RASSF8: variants seen among roughly 807,000 people sequenced by gnomAD.
RASSF8 encodes the protein Ras association domain family member 8.
In RASSF8, 22 loss-of-function variants were observed where a neutral mutation model predicts 48.5. The observed-to-expected ratio is 0.45, with a 90% CI of 0.32 to 0.65. The LOEUF (loss-of-function observed/expected upper bound fraction) is 0.65. RASSF8 is among the 30% of genes least tolerant of loss of function. The pLI, the probability that RASSF8 is intolerant of heterozygous loss-of-function variation, is 0.03. For missense variants in RASSF8, 418 were observed against 489.2 expected, an observed-to-expected ratio of 0.85 and a Z score of 1.37; for synonymous variants, 127 against 171.5, an observed-to-expected ratio of 0.74 and a Z score of 2.03.
At chr12:26,053,860 C>T (rs1943546284) in intron 2 of RASSF8, among the ~76,000 whole-genome samples, 1 of 152,214 alleles carries the variant, frequency 6.6e-6, no homozygotes. Context: ...TGTGTACCTT[C>T]TCTGGAGAAA....
chr12:26,053,378 G>T (rs1328422749), intron 2 of RASSF8, among the ~76,000 whole-genome samples: 1 of 151,990 alleles, frequency 6.6e-6, no homozygotes, highest in African/African-American at 2.4e-5. Context: ...TTAATCTTAG[G>T]CCATTTTTGA....
At chr12:25,983,452 G>A (rs960267903) in intron 1 of RASSF8, among the ~76,000 whole-genome samples, 1 of 152,156 alleles carries the variant, frequency 6.6e-6, no homozygotes, top group Non-Finnish European at 1.5e-5. Flanking sequence ...TATGATTTAA[G>A]CCAAAGTATC....
At chr12:25,983,876 T>C (rs1592231646) in intron 1 of RASSF8, among the ~76,000 whole-genome samples, 1 of 152,132 alleles carries the variant, frequency 6.6e-6, no homozygotes, top group Non-Finnish European at 1.5e-5. Context: ...CCTCAACCCA[T>C]ACCCGTGTGT....
Position 26,071,402 on chromosome 12 carries a change from G to A in RASSF8, c.*2584G>A. On this transcript the variant is annotated 3_prime_UTR_variant, in exon 6 of 6. Transcript: ENST00000689635. ...ACTAAATTAGATTTCAATGTTTTGT[G>A]TTTTTTTTAAAAAAATCATATTGCA... is the stretch of plus-strand genomic sequence containing the variant. 1 of 937,790 alleles carries A rather than the reference G, an allele frequency of 1.1e-6. No homozygotes were observed. Among genetic ancestry groups the A allele is most frequent in the Non-Finnish European group, 1.3e-6 (1 of 786,902 alleles). The allele number at this position is 937,790 out of a possible 1,614,324, so 58.1% of individuals were successfully genotyped here.
At chr12:25,976,162 A>C (rs968858057) in intron 1 of RASSF8, among the ~76,000 whole-genome samples, 2 of 152,178 alleles carry the variant, frequency 1.3e-5, no homozygotes, top group Non-Finnish European at 2.9e-5. Context: ...TCCTAGAACT[A>C]AATTGAAAGG....
intron 2 of RASSF8, among the ~76,000 whole-genome samples, chr12:26,032,703 C>T (rs756559806): frequency 5.3e-5 from 8 of 152,120 alleles, no homozygotes; most frequent in South Asian, 2.1e-4. Context: ...CATTAGCATG[C>T]GTAATGCCCA....
intron 2 of RASSF8, among the ~76,000 whole-genome samples, chr12:26,053,567 G>T (rs1388536019): frequency 6.6e-6 from 1 of 152,114 alleles, no homozygotes; most frequent in Non-Finnish European, 1.5e-5. Context: ...AAGTCTCAGA[G>T]AAGTCTAGCT....
At chr12:26,049,944 C>T (rs1428959195) in intron 2 of RASSF8, among the ~76,000 whole-genome samples, 3 of 152,130 alleles carry the variant, frequency 2.0e-5, no homozygotes, top group Admixed American at 6.5e-5. Context: ...GCCACCACGC[C>T]CGGCTAATTT....
At chr12:25,988,620 T>C (rs1197353911) in intron 1 of RASSF8, among the ~76,000 whole-genome samples, 1 of 152,174 alleles carries the variant, frequency 6.6e-6, no homozygotes, top group Non-Finnish European at 1.5e-5. Context: ...CAATCATTTG[T>C]AGGGGAGAAG....
At chr12:25,959,387 T>TA (rs918299868) in intron 1 of RASSF8, 4 of 152,298 alleles carry the variant, frequency 2.6e-5, no homozygotes, top group African/African-American at 9.6e-5. Flanking sequence ...GACTGAAAAG[T>TA]ACGAGCTTGG....
At chr12:25,964,289 G>GTT (rs201799456) in intron 1 of RASSF8, among the ~76,000 whole-genome samples, 5 of 139,070 alleles carry the variant, frequency 3.6e-5, no homozygotes, top group Non-Finnish European at 3.2e-5. Flanking sequence ...CTTAGCAAGT[G>GTT]TTTTTTTTTT....
intron 2 of RASSF8, among the ~76,000 whole-genome samples, chr12:26,047,366 A>T (rs1295256045): frequency 6.6e-6 from 1 of 152,200 alleles, no homozygotes; most frequent in African/African-American, 2.4e-5. Context: ...TTCTTATATC[A>T]ATAATAACTC....
At chr12:26,032,713 A>G (rs1404396419) in intron 2 of RASSF8, among the ~76,000 whole-genome samples, 3 of 152,216 alleles carry the variant, frequency 2.0e-5, no homozygotes, top group African/African-American at 4.8e-5. Context: ...CGTAATGCCC[A>G]GTTTCCATAC....
chr12:26,042,685 C>T (rs1254731057), intron 2 of RASSF8, among the ~76,000 whole-genome samples: 2 of 151,960 alleles, frequency 1.3e-5, no homozygotes, highest in South Asian at 2.1e-4. Context: ...GTATGATTTA[C>T]TTGAGCATTT....
At chr12:25,988,420 C>T (rs1181495904) in intron 1 of RASSF8, among the ~76,000 whole-genome samples, 9 of 151,970 alleles carry the variant, frequency 5.9e-5, no homozygotes, top group Non-Finnish European at 8.8e-5. Context: ...TAATCAAATC[C>T]GATGAGCTAA....
At chr12:26,059,712 A>G (rs1424072620) in intron 3 of RASSF8, among the ~76,000 whole-genome samples, 1 of 152,144 alleles carries the variant, frequency 6.6e-6, no homozygotes, top group East Asian at 1.9e-4. Flanking sequence ...TATTTTCCAC[A>G]TCTGTAGAAT....
chr12:26,032,536 T>A lies in RASSF8; in HGVS notation c.-108-22700T>A, dbSNP rs576497098. Among the ~76,000 whole-genome samples, 19 of 152,300 alleles carry A rather than the reference T, an allele frequency of 1.2e-4. No individual in the cohort carries two copies. In the South Asian group the frequency reaches 3.9e-3, roughly 32 times the overall value. On this transcript the variant is annotated intron_variant, in intron 2 of 5. Coordinates refer to ENST00000689635, the MANE Select transcript of RASSF8 (RefSeq NM_001394098.1). ...TTTAGGAAGGAGAACAATGACAAAT[T>A]TTTTTGAAATTGCTACATTAGCATG...
intron 1 of RASSF8, among the ~76,000 whole-genome samples, chr12:25,986,926 T>TTTTTG (rs1555160453): frequency 0.028 from 4,052 of 146,516 alleles, 89 homozygotes; most frequent in Admixed American, 0.089. Flanking sequence ...CGTTTTTTTT[T>TTTTTG]TTTGTTTGTT....
At chr12:26,046,053 T>C (rs1943366472) in intron 2 of RASSF8, among the ~76,000 whole-genome samples, 1 of 152,190 alleles carries the variant, frequency 6.6e-6, no homozygotes, top group Admixed American at 6.5e-5. Context: ...AGACTGGAGC[T>C]CTATTCCTGC....
Sources: gnomAD v4.1 joint callset for allele counts (sites outside exome capture counted in the v4.1 genomes callset) on GRCh38, gnomAD v4.1.1 for gene constraint, MANE v1.5 for transcripts, NCBI Gene and HGNC (gene_info 2026-07-23, HGNC 2026-07-21) for gene names.